GNB4: variants seen among roughly 807,000 people sequenced by gnomAD.
The protein encoded by GNB4 is guanine nucleotide-binding protein subunit beta-4.
A neutral mutation model predicts 45.2 loss-of-function variants in GNB4; 28 were observed. The ratio of observed to expected loss-of-function variants is 0.62; its 90% CI spans 0.46 to 0.85. The LOEUF is 0.85. Among genes scored for constraint, GNB4 ranks in the 40% least tolerant of loss-of-function variants. The probability of loss-of-function intolerance (pLI) is 0.00; values close to 1 mark genes in which losing one functional copy is unlikely to be tolerated. For missense variants in GNB4, 321 were observed against 425.4 expected, an observed-to-expected ratio of 0.75 and a Z score of 2.16; for synonymous variants, 132 against 143.7, an observed-to-expected ratio of 0.92 and a Z score of 0.58.
At chr3:179,525,526 C>T in the GNB4 span, among the ~76,000 whole-genome samples, 4 of 149,718 alleles carry the variant, frequency 2.7e-5, no homozygotes, top group African/African-American at 7.3e-5. Context: ...CAGGCAACCC[C>T]GCAATTGACT....
the GNB4 span, among the ~76,000 whole-genome samples, chr3:179,503,462 A>T: frequency 1.3e-5 from 2 of 152,246 alleles, no homozygotes; most frequent in African/African-American, 2.4e-5. Flanking sequence ...TTAGAAAAAA[A>T]TTCCAATTAT....
At chr3:179,455,012 C>T (rs1715957565), upstream of GNB4, among the ~76,000 whole-genome samples, 1 of 152,190 alleles carries the variant, frequency 6.6e-6, no homozygotes. Context: ...CCCTCTTGCT[C>T]ACACACAATG....
At chr3:179,419,909 TTAA>T (rs1429125759) in intron 3 of GNB4, among the ~76,000 whole-genome samples, 4 of 151,988 alleles carry the variant, frequency 2.6e-5, no homozygotes, top group East Asian at 3.8e-4. Flanking sequence ...AAATACTTCC[TTAA>T]TAATAATGAT....
chr3:179,489,019 A>AATATATATATATAT, the GNB4 span, among the ~76,000 whole-genome samples: 12 of 21,380 alleles, frequency 5.6e-4, no homozygotes, highest in African/African-American at 2.2e-3. Flanking sequence ...AAAAAAAAAA[A>AATATATATATATAT]ATATATATAT....
At chr3:179,457,133 GA>G in the GNB4 span, among the ~76,000 whole-genome samples, 3 of 152,038 alleles carry the variant, frequency 2.0e-5, no homozygotes, top group Non-Finnish European at 2.9e-5. Context: ...CTGCTCTTTA[GA>G]AAAAAACTCT....
chr3:179,527,788 G>GTA, the GNB4 span, among the ~76,000 whole-genome samples: 1 of 110,934 alleles, frequency 9.0e-6, no homozygotes, highest in Non-Finnish European at 1.9e-5. Context: ...GTGTGTGTAT[G>GTA]TATGTGTGTG....
intron 1 of GNB4, among the ~76,000 whole-genome samples, chr3:179,433,479 G>A (rs912274504): frequency 4.6e-5 from 7 of 152,008 alleles, no homozygotes; most frequent in South Asian, 2.1e-4. Flanking sequence ...GGTGGTCCAC[G>A]CTTCTAGTCT....
chr3:179,508,682 A>G, the GNB4 span, among the ~76,000 whole-genome samples: 8 of 152,138 alleles, frequency 5.3e-5, no homozygotes, highest in African/African-American at 1.4e-4. Flanking sequence ...TTTTAACTCT[A>G]TATCAAGTTA....
chr3:179,515,726 G>A, the GNB4 span, among the ~76,000 whole-genome samples: 4 of 152,192 alleles, frequency 2.6e-5, no homozygotes, highest in East Asian at 1.9e-4. Flanking sequence ...GAAAAATAAC[G>A]TAAAATAGTG....
chr3:179,453,463 C>G (rs1429207734), upstream of GNB4, among the ~76,000 whole-genome samples: 10 of 152,136 alleles, frequency 6.6e-5, no homozygotes, highest in African/African-American at 2.4e-4. Flanking sequence ...TGTTCCTGTG[C>G]ACTAGCATTT....
chr3:179,490,559 A>G, the GNB4 span, among the ~76,000 whole-genome samples: 5 of 152,198 alleles, frequency 3.3e-5, no homozygotes, highest in African/African-American at 1.2e-4. Flanking sequence ...ATGACTCAGT[A>G]CAAATCTAAA....
the GNB4 span, among the ~76,000 whole-genome samples, chr3:179,488,366 C>A: frequency 5.9e-5 from 9 of 152,098 alleles, no homozygotes; most frequent in South Asian, 6.2e-4. Flanking sequence ...ATGTTTAGGA[C>A]CCCCTTCATG....
the GNB4 span, among the ~76,000 whole-genome samples, chr3:179,509,172 C>T: frequency 0.21 from 12,847 of 60,714 alleles, 842 homozygotes; most frequent in East Asian, 0.5. Flanking sequence ...TATACATACA[C>T]ACACACACAC....
chr3:179,467,233 G>T, the GNB4 span, among the ~76,000 whole-genome samples: 1 of 152,084 alleles, frequency 6.6e-6, no homozygotes, highest in Admixed American at 6.5e-5. Context: ...GGCTGGTCTT[G>T]ACCTCCTGAG....
chr3:179,495,645 G>A, the GNB4 span, among the ~76,000 whole-genome samples: 3,598 of 151,238 alleles, frequency 0.024, 122 homozygotes, highest in African/African-American at 0.077. Flanking sequence ...GAGGCAGGGA[G>A]GGAGGGAAGG....
chr3:179,460,250 C>T, the GNB4 span, among the ~76,000 whole-genome samples: 1 of 152,166 alleles, frequency 6.6e-6, no homozygotes, highest in African/African-American at 2.4e-5. Flanking sequence ...TGTATTTTCT[C>T]AAGAAACTGG....
the GNB4 span, among the ~76,000 whole-genome samples, chr3:179,486,143 C>T: frequency 8.8e-4 from 130 of 147,800 alleles, no homozygotes; most frequent in Admixed American, 1.7e-3. Context: ...AACTGCTTGA[C>T]GTGGGAGGCA....
chr3:179,435,141 CAT>C (rs1715410321), intron 1 of GNB4, among the ~76,000 whole-genome samples: 2 of 152,158 alleles, frequency 1.3e-5, no homozygotes, highest in Non-Finnish European at 2.9e-5. Flanking sequence ...TGAATCCAGG[CAT>C]ATGACTCTGA....
At chr3:179,501,446 G>A in the GNB4 span, among the ~76,000 whole-genome samples, 1 of 151,132 alleles carries the variant, frequency 6.6e-6, no homozygotes, top group Non-Finnish European at 1.5e-5. Context: ...CCACAGGCAT[G>A]TGCCACCACA....
Sources: allele counts gnomAD v4.1 joint callset (sites outside exome capture counted in the v4.1 genomes callset), GRCh38; gene constraint gnomAD v4.1.1; transcripts MANE v1.5; gene names NCBI Gene and HGNC (gene_info 2026-07-23, HGNC 2026-07-21).